EMC10: variants seen among roughly 807,000 people sequenced by gnomAD.
EMC10 encodes the protein ER membrane protein complex subunit 10.
In EMC10, 40 loss-of-function variants were observed where a neutral mutation model predicts 32.2. The observed-to-expected ratio is 1.24, with a 90% CI of 0.96 to 1.61. The LOEUF (loss-of-function observed/expected upper bound fraction) is 1.61. EMC10 is among the 40% of genes most tolerant of loss of function. EMC10 has a pLI of 0.00. For synonymous variants in EMC10, 178 were observed against 158.4 expected, an observed-to-expected ratio of 1.12 and a Z score of -0.93; for missense variants, 402 against 357.7, an observed-to-expected ratio of 1.12 and a Z score of -1.00.
In EMC10 at chr19:50,482,242, G is replaced by GGGGGTA. The variant is rs1222740457; in HGVS notation, c.774_779dup (p.Gly259_Ser260insArgGly). ...TGGGGGTGGGGGTGGGGGTGGTGGT[G>GGGGGTA]GGGGTAGTGGCCGGTGAGGGCCCAG... is the stretch of plus-strand genomic sequence containing the variant. On this transcript the variant is annotated inframe_insertion, in exon 7 of 7. Coordinates refer to ENST00000334976, the MANE Select transcript of EMC10 (RefSeq NM_206538.4). The GGGGGTA allele has an allele frequency of 9.0e-7, 1 of 1,110,980 alleles. No homozygotes were observed. 68.8% of individuals were successfully genotyped at this position (1,110,980 alleles called of 1,614,324 possible).
In EMC10 at chr19:50,484,943, A is replaced by G. The variant is rs746534198; in HGVS notation, c.*2684A>G. 1 of 152,128 alleles carries G rather than the reference A, an allele frequency of 6.6e-6. No individual in the cohort carries two copies. The highest frequency in any genetic ancestry group is 6.6e-5 in the Admixed American group (1 of 15,260). 9.4% of individuals were successfully genotyped at this position (152,128 alleles called of 1,614,324 possible). A position where few individuals can be genotyped will look rare whatever the true frequency, so the allele number is the denominator to read the frequency against. The stretch of plus-strand genomic sequence containing the variant: ...CAGCCTGAGTTTTCTGTCCCCTGGT[A>G]TGCTGCAGATACTCTCCACAGAAAC... On this transcript the variant is annotated 3_prime_UTR_variant, in exon 7 of 7. Transcript: ENST00000334976.
chr19:50,479,020 C>G lies in EMC10; in HGVS notation c.251C>G (p.Ser84Cys). 1 of 1,611,108 alleles carries G rather than the reference C, an allele frequency of 6.2e-7. No homozygotes were observed. The highest frequency in any genetic ancestry group is 8.5e-7 in the Non-Finnish European group (1 of 1,179,524). ...LLWNQQDGTLSLSQRQLSEEE... is the reference protein window; with the variant it reads ...LLWNQQDGTLCLSQRQLSEEE... ...TGGAACCAGCAGGATGGTACCTTGT[C>G]CCTGTCACAGCGGCAGCTCAGCGAG... The change falls in exon 3 of 7, where the codon TCC (serine) becomes TGC (cysteine). Residue 84 changes from serine to cysteine, a missense_variant. Coordinates refer to ENST00000334976, the MANE Select transcript of EMC10 (RefSeq NM_206538.4).
rs1359977973 is a variant in EMC10, at chr19:50,482,418, G to A, written c.*159G>A. The A allele has an allele frequency of 1.0e-5, 6 of 594,506 alleles. No homozygotes were observed. Among genetic ancestry groups the A allele is most frequent in the South Asian group, 2.0e-5 (1 of 50,358 alleles). 36.8% of individuals were successfully genotyped at this position (594,506 alleles called of 1,614,324 possible). ...GCCAGCCCCTTGTCCTCTGCCTTCTGCTGGCAGAGGAGCAGCTGGACTGGG... is the reference window on the plus strand; with the variant it reads ...GCCAGCCCCTTGTCCTCTGCCTTCTACTGGCAGAGGAGCAGCTGGACTGGG... On this transcript the variant is annotated 3_prime_UTR_variant, in exon 7 of 7. Coordinates refer to ENST00000334976, the MANE Select transcript of EMC10 (RefSeq NM_206538.4).
chr19:50,479,135 C>A, intron 3 of EMC10, 69 bp downstream of exon 3: 1 of 1,243,464 alleles, frequency 8.0e-7, no homozygotes, highest in Non-Finnish European at 1.1e-6. Context: ...TTCAGCCACC[C>A]CCTGCTGGTC....
At position 50,483,891 on chromosome 19, in the gene EMC10, G is replaced by C. The variant is rs1322290689; in HGVS notation, c.*1632G>C. ...TTTGGTAACTTTAATAAAGAAGATA[G>C]TCTTAGCATTGCTAACTTCTGTTTC... On this transcript the variant is annotated 3_prime_UTR_variant, in exon 7 of 7. Coordinates refer to ENST00000334976, the MANE Select transcript of EMC10 (RefSeq NM_206538.4). 6.6e-6 allele frequency: 1 copy of C among 151,556 alleles called. No homozygotes were observed. Among genetic ancestry groups the C allele is most frequent in the Non-Finnish European group, 1.5e-5 (1 of 67,940 alleles). The allele number at this position is 151,556 out of a possible 1,614,324, so 9.4% of individuals were successfully genotyped here.
chr19:50,488,016 G>A lies in EMC10; in HGVS notation c.*5757G>A, dbSNP rs1041082095. 3.3e-5 allele frequency: 5 copies of A among 152,640 alleles called. No homozygotes were observed. The highest frequency in any genetic ancestry group is 4.8e-5 in the African/African-American group (2 of 41,380). The allele number at this position is 152,640 out of a possible 1,614,324, so 9.5% of individuals were successfully genotyped here. A position where few individuals can be genotyped will look rare whatever the true frequency, so the allele number is the denominator to read the frequency against. On this transcript the variant is annotated 3_prime_UTR_variant, in exon 7 of 7. Coordinates refer to ENST00000334976, the MANE Select transcript of EMC10 (RefSeq NM_206538.4). ...GGAAAAAAGCAGGAGGAAAGAGCCGGGCACGGTGGCTCACGCCTGTAATCC... is the reference window on the plus strand; with the variant it reads ...GGAAAAAAGCAGGAGGAAAGAGCCGAGCACGGTGGCTCACGCCTGTAATCC...
Position 50,482,348 on chromosome 19 carries a change from G to T in EMC10, c.*89G>T. On this transcript the variant is annotated 3_prime_UTR_variant, in exon 7 of 7. Transcript: ENST00000334976. ...CTGTGTCCTCAGCCATCCCAAGAAG[G>T]GTTTGCTGGTCCCTCCTTTCCCCCC... is the stretch of plus-strand genomic sequence containing the variant. 1.5e-6 allele frequency: 1 copy of T among 649,292 alleles called. No individual in the cohort carries two copies. The highest frequency in any genetic ancestry group is 2.7e-6 in the Non-Finnish European group (1 of 367,484). The allele number at this position is 649,292 out of a possible 1,614,324, so 40.2% of individuals were successfully genotyped here. A position where few individuals can be genotyped will look rare whatever the true frequency, so the allele number is the denominator to read the frequency against.
Position 50,483,754 on chromosome 19 carries a change from G to A in EMC10, c.*1495G>A, listed in dbSNP as rs530607234. The A allele has an allele frequency of 1.3e-5, 2 of 152,378 alleles. No individual in the cohort carries two copies. Among genetic ancestry groups the A allele is most frequent in the Admixed American group, 6.5e-5 (1 of 15,282 alleles). The allele number at this position is 152,378 out of a possible 1,614,324, so 9.4% of individuals were successfully genotyped here. ...TTTTTGTATTTTTTGTAGAGACGGG[G>A]TTTCACCATATTGCCCAGGCTGGTC... is the stretch of plus-strand genomic sequence containing the variant. On this transcript the variant is annotated 3_prime_UTR_variant, in exon 7 of 7. Transcript: ENST00000334976.
At position 50,486,269 on chromosome 19, in the gene EMC10, AACCTCC is replaced by A. The variant is rs1978349008; in HGVS notation, c.*4017_*4022del. 6.6e-6 allele frequency: 1 copy of A among 151,936 alleles called. No homozygotes were observed. The highest frequency in any genetic ancestry group is 1.5e-5 in the Non-Finnish European group (1 of 67,964). The allele number at this position is 151,936 out of a possible 1,614,324, so 9.4% of individuals were successfully genotyped here. A position where few individuals can be genotyped will look rare whatever the true frequency, so the allele number is the denominator to read the frequency against. ...CAGTGGCTCAATTTTGGCTCAATGC[AACCTCC>A]ACCTCCCAGGTTCAAGCAATTCTCT... On this transcript the variant is annotated 3_prime_UTR_variant, in exon 7 of 7. Transcript: ENST00000334976.
chr19:50,477,612 A>G (rs2122654602), intron 1 of EMC10, among the ~76,000 whole-genome samples: 1 of 152,262 alleles, frequency 6.6e-6, no homozygotes, highest in South Asian at 2.1e-4. Context: ...CATGAAAAAG[A>G]AGGCTTGGGA....
Position 50,482,868 on chromosome 19 carries a change from A to G in EMC10, c.*609A>G, listed in dbSNP as rs1568688326. The G allele has an allele frequency of 3.7e-6, 2 of 543,164 alleles. No individual in the cohort carries two copies. Among genetic ancestry groups the G allele is most frequent in the Non-Finnish European group, 3.2e-6 (1 of 308,876 alleles). The allele number at this position is 543,164 out of a possible 1,614,324, so 33.6% of individuals were successfully genotyped here. A position where few individuals can be genotyped will look rare whatever the true frequency, so the allele number is the denominator to read the frequency against. On this transcript the variant is annotated 3_prime_UTR_variant, in exon 7 of 7. Transcript: ENST00000334976. ...GCAGCCCCTGGGGTCGTGGTTTGAC[A>G]TTTGTCTGCCTGGTGCAAACAAGGA...
intron 6 of EMC10, chr19:50,481,478 G>C (rs1346182448): frequency 3.8e-6 from 1 of 265,960 alleles, no homozygotes; most frequent in African/African-American, 2.3e-5. Context: ...CTGAGGCGTG[G>C]GGTGGGGAGG....
intron 1 of EMC10, chr19:50,476,865 G>A: frequency 6.6e-6 from 3 of 456,542 alleles, no homozygotes; most frequent in Non-Finnish European, 1.2e-5. Context: ...GAGGACAAGC[G>A]CACCTGTCGG....
Position 50,480,817 on chromosome 19 carries a change from C to T in EMC10, c.584+55C>T, listed in dbSNP as rs754830010. On this transcript the variant is annotated intron_variant, in intron 5 of 6. Transcript: ENST00000334976. This position sits in a 1 kb window ranked among gnomAD's most constrained non-coding sequence, Gnocchi z 4.4. Reference sequence around the variant, plus strand: ...TGCCACCTGCCCCGGCCCTTCCTGGCGGCCTCAGGGTCTCCAGGTCCCTGG... The same window carrying T: ...TGCCACCTGCCCCGGCCCTTCCTGGTGGCCTCAGGGTCTCCAGGTCCCTGG... 2.1e-5 allele frequency: 33 copies of T among 1,564,820 alleles called. No homozygotes were observed. Among genetic ancestry groups the T allele is most frequent in the Admixed American group, 1.5e-4 (8 of 55,110 alleles).
Position 50,489,411 on chromosome 19 carries a change from T to G in EMC10, c.*7152T>G. 6.6e-6 allele frequency: 1 copy of G among 152,426 alleles called. No homozygotes were observed. Among genetic ancestry groups the G allele is most frequent in the East Asian group, 1.9e-4 (1 of 5,184 alleles). 9.4% of individuals were successfully genotyped at this position (152,426 alleles called of 1,614,324 possible). On this transcript the variant is annotated 3_prime_UTR_variant, in exon 7 of 7. Transcript: ENST00000334976. The stretch of plus-strand genomic sequence containing the variant: ...GATTGGAAGTAGCGACAGAGGACCA[T>G]GCCCCTCCAGCTGAGGAGGGGGCGC...
chr19:50,488,917 G>A lies in EMC10; in HGVS notation c.*6658G>A, dbSNP rs2122678836. The A allele has an allele frequency of 6.7e-6, 1 of 149,850 alleles. No individual in the cohort carries two copies. The highest frequency in any genetic ancestry group is 6.7e-5 in the Admixed American group (1 of 14,866). The allele number at this position is 149,850 out of a possible 1,614,324, so 9.3% of individuals were successfully genotyped here. A position where few individuals can be genotyped will look rare whatever the true frequency, so the allele number is the denominator to read the frequency against. On this transcript the variant is annotated 3_prime_UTR_variant, in exon 7 of 7. Coordinates refer to ENST00000334976, the MANE Select transcript of EMC10 (RefSeq NM_206538.4). ...AGAACAGGAAGAGGGGAAAAGAGAAGAAATGGGAGAGGGAAGAAGGGTGGG... is the reference window on the plus strand; with the variant it reads ...AGAACAGGAAGAGGGGAAAAGAGAAAAAATGGGAGAGGGAAGAAGGGTGGG...
At position 50,480,165 on chromosome 19, in the gene EMC10, G is replaced by C; in HGVS notation, c.352G>C (p.Ala118Pro). Residue 118 changes from alanine (A) to proline (P), a missense_variant, in exon 4 of 7, where the codon GCC (alanine) becomes CCC (proline). Physicochemically the swap from Ala to Pro is conservative, Grantham distance 27. Coordinates refer to ENST00000334976, the MANE Select transcript of EMC10 (RefSeq NM_206538.4). The surrounding 1 kb of genome is among the most constrained non-coding windows in gnomAD (Gnocchi z 4.4). ...GGTCCGGATCCCAAGGCGACCCGGG[G>C]CCCTGGATGGCCTGGAAGCTGGTGG... ...YRVRIPRRPG[A>P]LDGLEAGGYV... is the part of the protein sequence containing the mutation. 1 of 1,613,860 alleles carries C rather than the reference G, an allele frequency of 6.2e-7. No individual in the cohort carries two copies.
In EMC10 at chr19:50,483,336, C is replaced by T; in HGVS notation, c.*1077C>T. On this transcript the variant is annotated 3_prime_UTR_variant, in exon 7 of 7. Coordinates refer to ENST00000334976, the MANE Select transcript of EMC10 (RefSeq NM_206538.4). ...TGTGTGGCAGTTTATTAAACTGTCC[C>T]CCAGATCGACACGCAGCTAGCCTCC... 6.0e-6 allele frequency: 2 copies of T among 334,636 alleles called. No homozygotes were observed. The highest frequency in any genetic ancestry group is 1.2e-5 in the Non-Finnish European group (2 of 167,928). The allele number at this position is 334,636 out of a possible 1,614,324, so 20.7% of individuals were successfully genotyped here. A position where few individuals can be genotyped will look rare whatever the true frequency, so the allele number is the denominator to read the frequency against.
intron 3 of EMC10, among the ~76,000 whole-genome samples, 190 bp from the exon 4 acceptor site, chr19:50,479,921 G>A (rs898373274): frequency 6.6e-6 from 1 of 152,206 alleles, no homozygotes; most frequent in East Asian, 1.9e-4. Flanking sequence ...AGCTGCTCCT[G>A]GCCTCACCCA....
Sources: gnomAD v4.1 joint callset for allele counts (sites outside exome capture counted in the v4.1 genomes callset) on GRCh38, gnomAD v4.1.1 for gene constraint, Gnocchi (gnomAD v3.1) non-coding constraint, MANE v1.5 for transcripts, NCBI Gene and HGNC (gene_info 2026-07-23, HGNC 2026-07-21) for gene names.